The following TENM2 variants were observed in gnomAD, a reference collection of about 807,000 sequenced individuals.
TENM2 encodes the protein teneurin transmembrane protein 2, also known as teneurin-2.
TENM2 carries 52 observed loss-of-function variants against 245.2 expected under a neutral mutation model. The observed-to-expected ratio is 0.21, with a 90% CI of 0.17 to 0.27. The LOEUF is 0.27. Ranked by LOEUF, TENM2 falls within the 10% of genes least tolerant of loss-of-function variation. TENM2 has a pLI of 1.00. For synonymous variants in TENM2, 1,363 were observed against 1,438.9 expected (o/e 0.95, Z 1.19); for missense variants, 3,046 against 3,666.8 (o/e 0.83, Z 4.37).
chr5:167,744,808 AAAACAAAC>A (rs3056477), intron 2 of TENM2, among the ~76,000 whole-genome samples: 2 of 150,994 alleles, frequency 1.3e-5, no homozygotes, highest in Non-Finnish European at 2.9e-5. Flanking sequence ...TCTCTAAAAC[AAAACAAAC>A]AAACAAACAA....
intron 3 of TENM2, among the ~76,000 whole-genome samples, chr5:167,942,811 A>G (rs538179939): frequency 1.3e-5 from 2 of 152,316 alleles, no homozygotes; most frequent in South Asian, 4.1e-4. Flanking sequence ...ACAACTTTGA[A>G]AGAAACCAGT....
In TENM2 at chr5:167,374,565, T is replaced by G. The variant is rs374760340; in HGVS notation, c.227-633T>G. Among the ~76,000 whole-genome samples the G allele has an allele frequency of 3.9e-4, 60 of 152,218 alleles. No individual in the cohort carries two copies. The South Asian group carries it at 5.0e-3, about 13-fold the overall frequency. On this transcript the variant is annotated intron_variant, in intron 1 of 28. Transcript: ENST00000518659. The stretch of plus-strand genomic sequence containing the variant: ...ATGAGAAAATTGGGGTTCGTGGAGT[T>G]AAGGGAATTACCATAAATGAGACTT...
At chr5:167,063,935 G>T in the TENM2 span, among the ~76,000 whole-genome samples, 1 of 152,200 alleles carries the variant, frequency 6.6e-6, no homozygotes, top group South Asian at 2.1e-4. Flanking sequence ...CCAGCCGGGC[G>T]AGTTGCATTA....
At chr5:167,521,602 C>T (rs946286493) in intron 2 of TENM2, among the ~76,000 whole-genome samples, 12 of 152,178 alleles carry the variant, frequency 7.9e-5, no homozygotes, top group Non-Finnish European at 1.5e-5. Context: ...TGCCTTCTGA[C>T]TGGTTACAGA....
chr5:168,230,274 G>GCTCT (rs1375034153), intron 25 of TENM2, among the ~76,000 whole-genome samples: 9 of 152,192 alleles, frequency 5.9e-5, no homozygotes, highest in Non-Finnish European at 1.2e-4. Flanking sequence ...TATCCATTTA[G>GCTCT]CTCTCTTAAA....
chr5:167,296,772 C>T (rs1290405823), intron 1 of TENM2, among the ~76,000 whole-genome samples: 1 of 152,216 alleles, frequency 6.6e-6, no homozygotes, highest in Non-Finnish European at 1.5e-5. Flanking sequence ...TTTGTCTGCC[C>T]TGCAAAAGCT....
intron 2 of TENM2, among the ~76,000 whole-genome samples, chr5:167,769,025 G>T (rs1763226038): frequency 6.6e-6 from 1 of 152,158 alleles, no homozygotes; most frequent in South Asian, 2.1e-4. Flanking sequence ...TCAACAGAAA[G>T]TTGTTCAGTT....
chr5:167,971,791 G>C (rs975082290), intron 4 of TENM2, among the ~76,000 whole-genome samples: 2 of 152,196 alleles, frequency 1.3e-5, no homozygotes, highest in Admixed American at 1.3e-4. Context: ...TCATCATTTG[G>C]CTGCACAGAG....
chr5:167,346,020 C>A (rs1028771959), intron 1 of TENM2, among the ~76,000 whole-genome samples: 1 of 151,802 alleles, frequency 6.6e-6, no homozygotes, highest in East Asian at 1.9e-4. Context: ...AAACGTGTAA[C>A]GACATTTTGC....
At chr5:168,259,190 G>T (rs2152718653) in intron 27 of TENM2, among the ~76,000 whole-genome samples, 1 of 152,286 alleles carries the variant, frequency 6.6e-6, no homozygotes, top group South Asian at 2.1e-4. Flanking sequence ...CAGGACACTT[G>T]GGGCAGGTGG....
At chr5:167,044,026 T>TAGGA in the TENM2 span, among the ~76,000 whole-genome samples, 6 of 71,928 alleles carry the variant, frequency 8.3e-5, no homozygotes, top group Non-Finnish European at 1.7e-4. Context: ...CTCAAATAAA[T>TAGGA]AGTAAGGACA....
At chr5:168,159,382 G>C (rs781137902) in intron 12 of TENM2, among the ~76,000 whole-genome samples, 1 of 152,106 alleles carries the variant, frequency 6.6e-6, no homozygotes, top group Non-Finnish European at 1.5e-5. Context: ...AAATCCAGAA[G>C]ACTTCCTATA....
intron 2 of TENM2, among the ~76,000 whole-genome samples, chr5:167,839,843 A>G (rs1367964513): frequency 3.3e-5 from 5 of 152,100 alleles, no homozygotes; most frequent in South Asian, 2.1e-4. Context: ...TTGAGATGGA[A>G]TTTTGCTTTT....
intron 2 of TENM2, among the ~76,000 whole-genome samples, chr5:167,839,483 G>T (rs1047662004): frequency 2.6e-5 from 4 of 152,184 alleles, no homozygotes; most frequent in South Asian, 2.1e-4. Flanking sequence ...AAACGAAGAG[G>T]TTAGATAGGC....
intron 2 of TENM2, among the ~76,000 whole-genome samples, chr5:167,762,794 G>A (rs1003111016): frequency 2.6e-5 from 4 of 152,166 alleles, no homozygotes; most frequent in Admixed American, 2.0e-4. Flanking sequence ...TTACATAGAG[G>A]TTGCAAGGCA....
chr5:167,357,723 C>T (rs1759438752), intron 1 of TENM2, among the ~76,000 whole-genome samples: 1 of 152,110 alleles, frequency 6.6e-6, no homozygotes, highest in South Asian at 2.1e-4. Context: ...AATTTGTTCT[C>T]ATATGTTTTT....
chr5:167,805,570 G>A (rs1016879994), intron 2 of TENM2, among the ~76,000 whole-genome samples: 3 of 152,182 alleles, frequency 2.0e-5, no homozygotes, highest in African/African-American at 7.2e-5. Context: ...TAGCTTCCCT[G>A]AGGTCAACCA....
chr5:168,195,558 G>A (rs1167034288), intron 15 of TENM2, among the ~76,000 whole-genome samples: 691 of 31,138 alleles, frequency 0.022, 5 homozygotes, highest in East Asian at 0.088. Flanking sequence ...GCACGTGTGT[G>A]TGTGTGTGTG....
chr5:167,777,965 T>G (rs11134469), intron 2 of TENM2, among the ~76,000 whole-genome samples: 10,187 of 152,288 alleles, frequency 0.067, 411 homozygotes, highest in Middle Eastern at 0.11. Flanking sequence ...AATGTTTTCT[T>G]GGAACATAGC....
Sources: gnomAD v4.1 joint callset for allele counts (sites outside exome capture counted in the v4.1 genomes callset) on GRCh38, gnomAD v4.1.1 for gene constraint, MANE v1.5 for transcripts, NCBI Gene and HGNC (gene_info 2026-07-23, HGNC 2026-07-21) for gene names.